The following EFCAB11 variants were observed in gnomAD, a reference collection of about 807,000 sequenced individuals.
EFCAB11 encodes the protein EF-hand calcium binding domain 11.
EFCAB11 carries 14 observed loss-of-function variants against 23.0 expected under a neutral mutation model. That is an observed-to-expected ratio of 0.61 (90% CI 0.40 to 0.95). The LOEUF (loss-of-function observed/expected upper bound fraction) is 0.95. Among genes scored for constraint, EFCAB11 ranks in the 40% least tolerant of loss-of-function variants. EFCAB11 has a pLI of 0.00. For synonymous variants in EFCAB11, 65 were observed against 66.6 expected (o/e 0.98, Z 0.11); for missense variants, 198 against 195.8 (o/e 1.01, Z -0.07).
At chr14:89,921,252 G>A (rs759855890) in intron 5 of EFCAB11, among the ~76,000 whole-genome samples, 9 of 152,206 alleles carry the variant, frequency 5.9e-5, no homozygotes, top group South Asian at 2.1e-4. Context: ...CCAGAAAGGC[G>A]GAGTAGGATG....
At chr14:89,895,675 C>T (rs1231869863) in intron 5 of EFCAB11, among the ~76,000 whole-genome samples, 1 of 152,152 alleles carries the variant, frequency 6.6e-6, no homozygotes, top group East Asian at 1.9e-4. Context: ...ATTTAATTTT[C>T]AAGAGCAAAA....
At chr14:89,915,017 A>C (rs1389738197) in intron 5 of EFCAB11, among the ~76,000 whole-genome samples, 1 of 152,162 alleles carries the variant, frequency 6.6e-6, no homozygotes, top group African/African-American at 2.4e-5. Context: ...TGTCACAGGA[A>C]TATATTAATG....
chr14:89,884,082 TC>T (rs1444935810), intron 5 of EFCAB11, among the ~76,000 whole-genome samples: 4 of 152,144 alleles, frequency 2.6e-5, no homozygotes, highest in Non-Finnish European at 5.9e-5. Context: ...AGCCATGCTC[TC>T]ACCACTGCAC....
intron 5 of EFCAB11, among the ~76,000 whole-genome samples, chr14:89,842,322 C>T (rs1212156509): frequency 6.6e-6 from 1 of 152,226 alleles, no homozygotes; most frequent in East Asian, 1.9e-4. Context: ...GGCGTGGTGG[C>T]TCACGCCTGT....
At position 89,953,889 on chromosome 14, in the gene EFCAB11, A is replaced by G. The variant is rs771585229; in HGVS notation, c.171+17T>C. On this transcript the variant is annotated intron_variant, in intron 2 of 5. Transcript: ENST00000316738. ...TTGATCGTCTACCCCATCCCCAAAT[A>G]TATAAGAAAGCTCTACCTTGGAGGG... 6.2e-7 allele frequency: 1 copy of G among 1,606,712 alleles called. No homozygotes were observed. Among genetic ancestry groups the G allele is most frequent in the Non-Finnish European group, 8.5e-7 (1 of 1,175,624 alleles).
intron 5 of EFCAB11, among the ~76,000 whole-genome samples, chr14:89,835,348 A>G (rs1439886584): frequency 6.6e-6 from 1 of 152,112 alleles, no homozygotes; most frequent in Non-Finnish European, 1.5e-5. Flanking sequence ...ACGTAATGAG[A>G]TATCTTGGGA....
At chr14:89,924,563 G>A in intron 5 of EFCAB11, 1 of 1,526,892 alleles carries the variant, frequency 6.5e-7, no homozygotes. Flanking sequence ...TATCCATGCA[G>A]AGAAAAATGC....
At chr14:89,915,502 C>T (rs919128132) in intron 5 of EFCAB11, among the ~76,000 whole-genome samples, 1 of 152,204 alleles carries the variant, frequency 6.6e-6, no homozygotes, top group Non-Finnish European at 1.5e-5. Context: ...GGCTCTCAAT[C>T]TGTTTGGTTC....
chr14:89,799,984 G>A (rs1275336000), intron 5 of EFCAB11, among the ~76,000 whole-genome samples: 3 of 152,088 alleles, frequency 2.0e-5, no homozygotes, highest in African/African-American at 4.8e-5. Flanking sequence ...TCAGGAGTTC[G>A]AGACTAGCCT....
chr14:89,886,631 A>G (rs1649248536), intron 5 of EFCAB11, among the ~76,000 whole-genome samples: 1 of 152,032 alleles, frequency 6.6e-6, no homozygotes, highest in Non-Finnish European at 1.5e-5. Context: ...CACTGAGGCA[A>G]ATATGACAAA....
chr14:89,944,751 A>G (rs2139836143), intron 3 of EFCAB11, among the ~76,000 whole-genome samples: 1 of 152,174 alleles, frequency 6.6e-6, no homozygotes, highest in Admixed American at 6.5e-5. Flanking sequence ...CTATCAAGTT[A>G]GCGATTATAT....
chr14:89,905,954 G>A (rs1889482825), intron 5 of EFCAB11, among the ~76,000 whole-genome samples: 2 of 152,140 alleles, frequency 1.3e-5, no homozygotes, highest in South Asian at 4.1e-4. Context: ...AACAAGGGAT[G>A]AGGATGATGA....
chr14:89,928,383 C>G (rs1311631577), intron 5 of EFCAB11, among the ~76,000 whole-genome samples: 1 of 151,946 alleles, frequency 6.6e-6, no homozygotes, highest in Non-Finnish European at 1.5e-5. Context: ...TTAATATACT[C>G]TATTATTTCT....
chr14:89,825,410 A>T (rs1166330060), intron 5 of EFCAB11, among the ~76,000 whole-genome samples: 1 of 152,138 alleles, frequency 6.6e-6, no homozygotes, highest in Non-Finnish European at 1.5e-5. Context: ...TGATCAAAAC[A>T]TCCACCTTAA....
chr14:89,909,607 CT>C (rs1278600837), intron 5 of EFCAB11, among the ~76,000 whole-genome samples: 2 of 151,164 alleles, frequency 1.3e-5, no homozygotes, highest in Admixed American at 6.6e-5. Context: ...CAAAAAATGT[CT>C]GATCACCTCA....
chr14:89,873,648 G>C (rs548487520), intron 5 of EFCAB11, among the ~76,000 whole-genome samples: 1 of 152,314 alleles, frequency 6.6e-6, no homozygotes, highest in East Asian at 1.9e-4. Flanking sequence ...TTCCAGATGG[G>C]AGAAATTGGC....
At chr14:89,799,796 G>A (rs1393200359) in intron 5 of EFCAB11, among the ~76,000 whole-genome samples, 2 of 152,096 alleles carry the variant, frequency 1.3e-5, no homozygotes, top group Non-Finnish European at 2.9e-5. Context: ...ATGAATCTGA[G>A]GAAACAGCTG....
At chr14:89,851,329 C>T (rs559445263) in intron 5 of EFCAB11, among the ~76,000 whole-genome samples, 52 of 152,268 alleles carry the variant, frequency 3.4e-4, no homozygotes, top group South Asian at 6.2e-4. Context: ...ATTTGTTCCA[C>T]GATTACATGT....
intron 5 of EFCAB11, among the ~76,000 whole-genome samples, chr14:89,832,660 C>T (rs1476943785): frequency 6.6e-6 from 1 of 152,172 alleles, no homozygotes; most frequent in African/African-American, 2.4e-5. Flanking sequence ...CATAGTTTAG[C>T]CTAGCCTATT....
Sources: allele counts gnomAD v4.1 joint callset (sites outside exome capture counted in the v4.1 genomes callset), GRCh38; gene constraint gnomAD v4.1.1; transcripts MANE v1.5; gene names NCBI Gene and HGNC (gene_info 2026-07-23, HGNC 2026-07-21).